Variants in CENPU observed in about 807,000 individuals in gnomAD.
CENPU encodes KSHV latent nuclear antigen interacting protein 1.
In CENPU, 46 loss-of-function variants were observed where a neutral mutation model predicts 56.7. The ratio of observed to expected loss-of-function variants is 0.81; its 90% CI spans 0.64 to 1.04. The LOEUF (loss-of-function observed/expected upper bound fraction) is 1.04, where lower values mean the gene tolerates loss of function less well. Among genes scored for constraint, CENPU ranks in the 50% least tolerant of loss-of-function variants. The pLI, the probability that CENPU is intolerant of heterozygous loss-of-function variation, is 0.00. For synonymous variants in CENPU, 166 were observed against 163.0 expected, an observed-to-expected ratio of 1.02 and a Z score of -0.14; for missense variants, 510 against 490.1, an observed-to-expected ratio of 1.04 and a Z score of -0.38.
chr4:184,732,217 G>T (rs1195456556), intron 1 of CENPU, among the ~76,000 whole-genome samples: 1 of 151,394 alleles, frequency 6.6e-6, no homozygotes, highest in African/African-American at 2.4e-5. Flanking sequence ...TACTAAGTGT[G>T]ATGTAAAACA....
intron 10 of CENPU, among the ~76,000 whole-genome samples, chr4:184,701,353 A>G (rs1760529685): frequency 6.6e-6 from 1 of 152,222 alleles, no homozygotes; most frequent in South Asian, 2.1e-4. Flanking sequence ...CGTAATAAGC[A>G]ATGCAGAAAT....
intron 7 of CENPU, among the ~76,000 whole-genome samples, chr4:184,712,673 T>C (rs1760963855): frequency 6.6e-6 from 1 of 152,206 alleles, no homozygotes; most frequent in Admixed American, 6.5e-5. Context: ...ACTACCTATC[T>C]AATAAAGTAA....
In CENPU at chr4:184,694,449, A is replaced by G. The variant is rs1760020412; in HGVS notation, c.*839T>C. 2.6e-6 allele frequency: 4 copies of G among 1,534,824 alleles called. No individual in the cohort carries two copies. The highest frequency in any genetic ancestry group is 2.6e-6 in the Non-Finnish European group (3 of 1,138,554). Reference sequence around the variant, plus strand: ...TTAATACCTTACTTCAACATAGAGTATAAGGTTAAATCACATATCCTGAGT... The same window carrying G: ...TTAATACCTTACTTCAACATAGAGTGTAAGGTTAAATCACATATCCTGAGT... On this transcript the variant is annotated 3_prime_UTR_variant, in exon 13 of 13. Coordinates refer to ENST00000281453, the MANE Select transcript of CENPU (RefSeq NM_024629.4).
At chr4:184,703,088 G>A (rs893698989) in intron 8 of CENPU, among the ~76,000 whole-genome samples, 25 of 152,024 alleles carry the variant, frequency 1.6e-4, no homozygotes, top group African/African-American at 3.1e-4. Flanking sequence ...AAAAAACACC[G>A]GAAACATGTA....
intron 7 of CENPU, among the ~76,000 whole-genome samples, chr4:184,710,866 T>A (rs1391766247): frequency 6.6e-6 from 1 of 152,088 alleles, no homozygotes; most frequent in Admixed American, 6.5e-5. Context: ...TTAGAAAAAT[T>A]TTTTTTTGAG....
In CENPU at chr4:184,702,154, T is replaced by C. The variant is rs562623452; in HGVS notation, c.877-18A>G. ...TCTTTAAGCTACACAAAACAAAAAA[T>C]ACACATGTACATCAGTTTCCAAAAG... is the stretch of plus-strand genomic sequence containing the variant. On this transcript the variant is annotated intron_variant, in intron 9 of 12. Coordinates refer to ENST00000281453, the MANE Select transcript of CENPU (RefSeq NM_024629.4). 6.3e-7 allele frequency: 1 copy of C among 1,577,360 alleles called. No homozygotes were observed. The highest frequency in any genetic ancestry group is 1.1e-5 in the South Asian group (1 of 89,560).
intron 4 of CENPU, among the ~76,000 whole-genome samples, chr4:184,718,005 G>C (rs1028348863): frequency 6.6e-6 from 1 of 152,172 alleles, no homozygotes; most frequent in Non-Finnish European, 1.5e-5. Context: ...AGAAAATAAC[G>C]AACGCTAGGG....
intron 6 of CENPU, among the ~76,000 whole-genome samples, chr4:184,713,580 A>G (rs1760994562): frequency 6.6e-6 from 1 of 152,242 alleles, no homozygotes; most frequent in African/African-American, 2.4e-5. Flanking sequence ...ATTACTTAAG[A>G]TAACAACATG....
chr4:184,708,732 A>G (rs1223277541), intron 8 of CENPU, among the ~76,000 whole-genome samples: 1 of 152,216 alleles, frequency 6.6e-6, no homozygotes, highest in African/African-American at 2.4e-5. Flanking sequence ...GTATAATCAA[A>G]ATAATCAGAA....
chr4:184,700,978 A>G (rs1396978139), intron 10 of CENPU, 97 bp from the exon 11 acceptor site: 2 of 940,934 alleles, frequency 2.1e-6, no homozygotes, highest in Non-Finnish European at 3.4e-6. Context: ...AAAACAAGAC[A>G]GACCCAGTTC....
intron 7 of CENPU, among the ~76,000 whole-genome samples, chr4:184,710,774 G>A (rs184454170): frequency 2.6e-5 from 4 of 152,236 alleles, no homozygotes; most frequent in African/African-American, 9.6e-5. Context: ...GAAAATATCT[G>A]TGAATGCATT....
intron 6 of CENPU, 27 bp downstream of exon 6, chr4:184,716,370 C>T (rs746889128): frequency 6.5e-7 from 1 of 1,536,608 alleles, no homozygotes; most frequent in Non-Finnish European, 8.9e-7. Flanking sequence ...TTTTTTTGCC[C>T]TCCTAGGGGA....
At position 184,724,998 on chromosome 4, in the gene CENPU, C is replaced by G. The variant is rs1394986372; in HGVS notation, c.279G>C (p.Leu93=). The G allele has an allele frequency of 6.2e-7, 1 of 1,613,154 alleles. No individual in the cohort carries two copies. Among genetic ancestry groups the G allele is most frequent in the Non-Finnish European group, 8.5e-7 (1 of 1,179,594 alleles). ...TTCCTGGAGGAGTTGAAGAGAGAGA[C>G]AGTCCACAATGTTTGGAGAATTCTT... ...DEEEFSKHCG[L]SLSSTPPGKE... Residue 93 remains leucine (L), a synonymous_variant, in exon 4 of 13, where the codon CTG becomes CTC. Coordinates refer to ENST00000281453, the MANE Select transcript of CENPU (RefSeq NM_024629.4).
chr4:184,718,642 G>A (rs1270372826), intron 4 of CENPU, among the ~76,000 whole-genome samples: 1 of 152,216 alleles, frequency 6.6e-6, no homozygotes, highest in Non-Finnish European at 1.5e-5. Flanking sequence ...CCCAAACCAT[G>A]GCAGCCACAG....
chr4:184,710,109 CAA>C lies in CENPU; in HGVS notation c.758_759del (p.Ile253SerfsTer4). Reference protein sequence around the residue: ...MKTSDIKELNIVLPEFEKTHL... With the variant: ...MKTSDIKELNXVLPEFEKTHL... ...TGGGTTTTCTCAAATTCAGGCAAAA[CAA>C]TATTCAACTCCTTGATGTCACTGGT... On this transcript the variant is annotated frameshift_variant, in exon 8 of 13. Coordinates refer to ENST00000281453, the MANE Select transcript of CENPU (RefSeq NM_024629.4). LOFTEE classifies it high-confidence loss of function. 5.0e-6 allele frequency: 8 copies of C among 1,611,384 alleles called. No homozygotes were observed. Among genetic ancestry groups the C allele is most frequent in the Non-Finnish European group, 6.8e-6 (8 of 1,178,512 alleles).
intron 4 of CENPU, among the ~76,000 whole-genome samples, chr4:184,722,235 A>C (rs1204681378): frequency 6.6e-6 from 1 of 152,138 alleles, no homozygotes; most frequent in Non-Finnish European, 1.5e-5. Context: ...GGATACCACA[A>C]AAGCAGTACT....
At chr4:184,729,705 C>A (rs1486248367) in intron 2 of CENPU, among the ~76,000 whole-genome samples, 2 of 152,176 alleles carry the variant, frequency 1.3e-5, no homozygotes, top group Non-Finnish European at 2.9e-5. Context: ...TGCCCATATA[C>A]CCAAAAGTTC....
At position 184,694,154 on chromosome 4, in the gene CENPU, C is replaced by A. The variant is rs1172085390; in HGVS notation, c.*1134G>T. 1 of 890,014 alleles carries A rather than the reference C, an allele frequency of 1.1e-6. No individual in the cohort carries two copies. Among genetic ancestry groups the A allele is most frequent in the Non-Finnish European group, 1.4e-6 (1 of 736,346 alleles). 55.1% of individuals were successfully genotyped at this position (890,014 alleles called of 1,614,324 possible). On this transcript the variant is annotated 3_prime_UTR_variant, in exon 13 of 13. Transcript: ENST00000281453. ...TTGCTAAATACTTTAAAATTTAAAGCATGGGTACTAAGTCCATTGTCAAGA... is the reference window on the plus strand; with the variant it reads ...TTGCTAAATACTTTAAAATTTAAAGAATGGGTACTAAGTCCATTGTCAAGA...
chr4:184,716,499 T>G lies in CENPU; in HGVS notation c.516A>C (p.Glu172Asp), dbSNP rs1203773287. 1.9e-6 allele frequency: 3 copies of G among 1,614,058 alleles called. No individual in the cohort carries two copies. Among genetic ancestry groups the G allele is most frequent in the Non-Finnish European group, 2.5e-6 (3 of 1,180,028 alleles). The change falls in exon 6 of 13, where the codon GAA becomes GAC. Residue 172 changes from glutamate to aspartate, a missense_variant. Coordinates refer to ENST00000281453, the MANE Select transcript of CENPU (RefSeq NM_024629.4). ...CAGACTCAGCTGGTTTCTCTGAAAGTTCTGAAGACGCTGTGGTTCGAATAA... is the reference window on the plus strand; with the variant it reads ...CAGACTCAGCTGGTTTCTCTGAAAGGTCTGAAGACGCTGTGGTTCGAATAA... Reference protein sequence around the residue: ...HEVIRTTASSELSEKPAESVT... With the variant: ...HEVIRTTASSDLSEKPAESVT...
Sources: gnomAD v4.1 joint callset for allele counts (sites outside exome capture counted in the v4.1 genomes callset) on GRCh38, gnomAD v4.1.1 for gene constraint, MANE v1.5 for transcripts, NCBI Gene and HGNC (gene_info 2026-07-23, HGNC 2026-07-21) for gene names.